Variants in ZNF385D observed in about 807,000 individuals in gnomAD.
ZNF385D encodes zinc finger protein 385D.
Under a neutral mutation model 35.8 loss-of-function variants are expected in ZNF385D, and 15 were observed. The observed-to-expected ratio is 0.42, with a 90% confidence interval of 0.28 to 0.64. ZNF385D has a LOEUF of 0.64. Ranked by LOEUF, ZNF385D falls within the 30% of genes least tolerant of loss-of-function variation. ZNF385D has a pLI of 0.23. For missense variants in ZNF385D, 474 were observed against 494.6 expected (o/e 0.96, Z 0.39); for synonymous variants, 212 against 186.8 (o/e 1.13, Z -1.10).
At chr3:21,817,591 C>G (rs988216800) in intron 3 of ZNF385D, among the ~76,000 whole-genome samples, 3 of 152,114 alleles carry the variant, frequency 2.0e-5, no homozygotes, top group Non-Finnish European at 2.9e-5. Flanking sequence ...TCATCACTGG[C>G]CATCAGAGAA....
At chr3:21,986,582 T>C (rs1442266793) in intron 3 of ZNF385D, among the ~76,000 whole-genome samples, 1 of 148,990 alleles carries the variant, frequency 6.7e-6, no homozygotes, top group Non-Finnish European at 1.5e-5. Context: ...AGAGCTTTAC[T>C]TCCAACCATG....
chr3:22,203,475 G>A (rs2125246846), intron 2 of ZNF385D, among the ~76,000 whole-genome samples: 1 of 152,214 alleles, frequency 6.6e-6, no homozygotes, highest in East Asian at 1.9e-4. Context: ...GAAAAGCAGA[G>A]GAAAGAATAA....
intron 3 of ZNF385D, among the ~76,000 whole-genome samples, chr3:22,117,578 T>G (rs1702877235): frequency 6.6e-6 from 1 of 151,944 alleles, no homozygotes; most frequent in South Asian, 2.1e-4. Context: ...TCCACTATTT[T>G]TTTTTTACAA....
intron 3 of ZNF385D, among the ~76,000 whole-genome samples, chr3:21,522,665 G>A (rs935780473): frequency 9.2e-5 from 14 of 152,078 alleles, no homozygotes; most frequent in African/African-American, 2.2e-4. Flanking sequence ...ATTGCAGAAC[G>A]AAGTGGTTTG....
intron 2 of ZNF385D, among the ~76,000 whole-genome samples, chr3:21,621,615 A>G (rs2065009483): frequency 1.5e-5 from 2 of 134,754 alleles, no homozygotes; most frequent in African/African-American, 2.8e-5. Flanking sequence ...TGCAGCAGCA[A>G]ATGATCACCA....
chr3:21,512,187 C>T (rs891589035), intron 3 of ZNF385D, among the ~76,000 whole-genome samples: 1 of 148,044 alleles, frequency 6.8e-6, no homozygotes, highest in Non-Finnish European at 1.5e-5. Flanking sequence ...GATAGAAAGT[C>T]ATATTTAAAT....
At chr3:21,799,467 T>C (rs1022826726) in intron 3 of ZNF385D, among the ~76,000 whole-genome samples, 1 of 152,168 alleles carries the variant, frequency 6.6e-6, no homozygotes, top group Non-Finnish European at 1.5e-5. Flanking sequence ...TATGGAGTAT[T>C]TGTGGTTTCC....
At chr3:21,617,388 GGA>G (rs2064877891) in intron 2 of ZNF385D, among the ~76,000 whole-genome samples, 1 of 152,088 alleles carries the variant, frequency 6.6e-6, no homozygotes, top group Non-Finnish European at 1.5e-5. Context: ...TGACCTTGAG[GGA>G]ATCACAACTC....
At chr3:21,955,561 A>T (rs1229277614) in intron 3 of ZNF385D, among the ~76,000 whole-genome samples, 1 of 152,128 alleles carries the variant, frequency 6.6e-6, no homozygotes, top group African/African-American at 2.4e-5. Flanking sequence ...TTAAAACTGA[A>T]GCCTGGGTGA....
chr3:21,648,242 T>C (rs941345934), intron 2 of ZNF385D, among the ~76,000 whole-genome samples: 6 of 152,168 alleles, frequency 3.9e-5, no homozygotes, highest in African/African-American at 9.7e-5. Flanking sequence ...CTGATGATCA[T>C]ATAAGCACCT....
At chr3:21,761,545 T>G (rs1308939555) in intron 3 of ZNF385D, among the ~76,000 whole-genome samples, 1 of 152,150 alleles carries the variant, frequency 6.6e-6, no homozygotes, top group Non-Finnish European at 1.5e-5. Flanking sequence ...AATGTGAGAA[T>G]GAGTGAAGGT....
At chr3:21,627,999 T>A (rs2125828389) in intron 2 of ZNF385D, among the ~76,000 whole-genome samples, 1 of 152,284 alleles carries the variant, frequency 6.6e-6, no homozygotes, top group South Asian at 2.1e-4. Flanking sequence ...ATATTAATAA[T>A]CTTTTGTCTG....
At chr3:21,622,037 A>G (rs1461068080) in intron 2 of ZNF385D, among the ~76,000 whole-genome samples, 2 of 152,110 alleles carry the variant, frequency 1.3e-5, no homozygotes, top group African/African-American at 2.4e-5. Flanking sequence ...TACAGTCCAG[A>G]GAAGAGACTC....
intron 3 of ZNF385D, among the ~76,000 whole-genome samples, chr3:22,061,410 T>C (rs1364397946): frequency 5.3e-5 from 8 of 152,194 alleles, no homozygotes; most frequent in Non-Finnish European, 1.0e-4. Flanking sequence ...TAGATTACTG[T>C]ACCCACATCC....
intron 2 of ZNF385D, among the ~76,000 whole-genome samples, chr3:22,353,599 G>C (rs910697176): frequency 6.6e-6 from 1 of 152,004 alleles, no homozygotes; most frequent in Admixed American, 6.6e-5. Flanking sequence ...CTTCCTTGTT[G>C]CAGTTATTCA....
intron 5 of ZNF385D, 130 bp from the exon 6 acceptor site, chr3:21,425,800 G>C: frequency 1.3e-6 from 1 of 743,762 alleles, no homozygotes; most frequent in Non-Finnish European, 1.9e-6. Flanking sequence ...AACAAAATCT[G>C]ATGCCTCATT....
chr3:22,330,595 C>T (rs963126805), intron 2 of ZNF385D, among the ~76,000 whole-genome samples: 1 of 152,148 alleles, frequency 6.6e-6, no homozygotes, highest in African/African-American at 2.4e-5. Flanking sequence ...GATCACCTAA[C>T]AAAATGCTTC....
At chr3:21,502,797 A>G (rs544858016) in intron 4 of ZNF385D, among the ~76,000 whole-genome samples, 1 of 152,314 alleles carries the variant, frequency 6.6e-6, no homozygotes, top group Non-Finnish European at 1.5e-5. Flanking sequence ...ACACTTGATA[A>G]AATCTCTTTC....
intron 1 of ZNF385D, among the ~76,000 whole-genome samples, chr3:21,748,029 T>A (rs992516189): frequency 1.3e-5 from 2 of 152,044 alleles, no homozygotes; most frequent in Non-Finnish European, 2.9e-5. Context: ...TATATTTAAC[T>A]CCAAATGGTG....
Sources: gnomAD v4.1 joint callset for allele counts (sites outside exome capture counted in the v4.1 genomes callset) on GRCh38, gnomAD v4.1.1 for gene constraint, MANE v1.5 for transcripts, NCBI Gene and HGNC (gene_info 2026-07-23, HGNC 2026-07-21) for gene names.